Variants in SPATC1 observed in about 807,000 individuals in gnomAD.
The protein encoded by SPATC1 is speriolin.
A neutral mutation model predicts 36.5 loss-of-function variants in SPATC1; 35 were observed. The observed-to-expected ratio is 0.96, with a 90% CI of 0.73 to 1.27. SPATC1 has a LOEUF of 1.27. SPATC1 is among the 50% of genes most tolerant of loss of function. The pLI is 0.00. For missense variants in SPATC1, 779 were observed against 796.0 expected, an observed-to-expected ratio of 0.98 and a Z score of 0.26; for synonymous variants, 361 against 353.6, an observed-to-expected ratio of 1.02 and a Z score of -0.24.
chr8:144,041,207 G>A (rs2129652898), intron 3 of SPATC1, 25 bp from the exon 4 acceptor site: 1 of 1,612,528 alleles, frequency 6.2e-7, no homozygotes, highest in East Asian at 2.2e-5. Flanking sequence ...CTCTCACCTG[G>A]GCTGACGAGA....
chr8:144,012,793 G>A, intron 1 of SPATC1, 67 bp downstream of exon 1: 2 of 1,506,830 alleles, frequency 1.3e-6, no homozygotes, highest in Non-Finnish European at 1.8e-6. Context: ...GAGAGACTCA[G>A]TGTGCTGAGG....
intron 1 of SPATC1, among the ~76,000 whole-genome samples, chr8:144,037,242 G>A (rs1554754940): frequency 1.3e-5 from 2 of 148,368 alleles, no homozygotes; most frequent in African/African-American, 4.9e-5. Context: ...GGGAGGTGAG[G>A]GGCGCCTCTG....
At chr8:144,039,094 T>C (rs1176729820) in intron 1 of SPATC1, among the ~76,000 whole-genome samples, 1 of 152,232 alleles carries the variant, frequency 6.6e-6, no homozygotes, top group African/African-American at 2.4e-5. Context: ...ATAATAAGCA[T>C]GTACTGCATT....
intron 1 of SPATC1, among the ~76,000 whole-genome samples, chr8:144,039,422 G>A (rs1038512072): frequency 2.0e-5 from 3 of 152,232 alleles, no homozygotes; most frequent in South Asian, 2.1e-4. Context: ...ATTGCAGCAC[G>A]GACCCCCTGA....
At chr8:144,026,285 T>A in intron 1 of SPATC1, among the ~76,000 whole-genome samples, 1 of 152,354 alleles carries the variant, frequency 6.6e-6, no homozygotes, top group South Asian at 2.1e-4. Context: ...TTTTTTGTTT[T>A]GTTTCGCTTT....
intron 1 of SPATC1, among the ~76,000 whole-genome samples, chr8:144,036,918 A>G: frequency 6.6e-6 from 1 of 152,002 alleles, no homozygotes; most frequent in South Asian, 2.1e-4. Flanking sequence ...CAGCTACAAT[A>G]GCACCATTTG....
rs1027911447 is a variant in SPATC1, at chr8:144,034,932, T to C, written c.212-4977T>C. 3.9e-5 allele frequency among the ~76,000 whole-genome samples: 6 copies of C among 152,232 alleles called. No homozygotes were observed. In the South Asian group the frequency reaches 1.2e-3, roughly 32 times the overall value. On this transcript the variant is annotated intron_variant, in intron 1 of 4. Transcript: ENST00000377470. ...CACTGCGCCTGGCAACTCTCAGCTT[T>C]TAATCCACATTCCTACACTTGATGT...
Position 144,019,878 on chromosome 8 carries a change from C to T in SPATC1, c.211+7152C>T, listed in dbSNP as rs1469499394. ...CCACACACCTACCTGAGGATCCTCT[C>T]CCCTCAGGGCCGCCTCGTCCTGCTC... On this transcript the variant is annotated intron_variant, in intron 1 of 4. Coordinates refer to ENST00000377470, the MANE Select transcript of SPATC1 (RefSeq NM_198572.3). Among the ~76,000 whole-genome samples the T allele has an allele frequency of 5.3e-5, 8 of 152,110 alleles. No individual in the cohort carries two copies. The East Asian group carries it at 1.4e-3, about 26-fold the overall frequency.
rs782157109 is a variant in SPATC1 at position 144,041,017 on chromosome 8, C to T, written c.1216C>T (p.Arg406Cys). 34 of 1,612,332 alleles carry T rather than the reference C, an allele frequency of 2.1e-5. No individual in the cohort carries two copies. Among genetic ancestry groups the T allele is most frequent in the East Asian group, 4.5e-5 (2 of 44,890 alleles). Residue 406 changes from arginine (R) to cysteine (C), a missense_variant, in exon 3 of 5, where the codon CGC becomes TGC. Transcript: ENST00000377470. ...PASVNDSRGP[R>C]TTEPSTKSMM... ...TTCAGTCAATGACTCTCGAGGTCCA[C>T]GCACCACAGAACCGTCGACGAAGAG...
At position 144,041,371 on chromosome 8, in the gene SPATC1, G is replaced by C. The variant is rs782442963; in HGVS notation, c.1446G>C (p.Gln482His). 6.2e-7 allele frequency: 1 copy of C among 1,607,922 alleles called. No individual in the cohort carries two copies. Among genetic ancestry groups the C allele is most frequent in the Non-Finnish European group, 8.5e-7 (1 of 1,179,838 alleles). Residue 482 changes from glutamine (Q) to histidine (H), a missense_variant and splice_region_variant, in exon 4 of 5, where the codon CAG becomes CAC. Coordinates refer to ENST00000377470, the MANE Select transcript of SPATC1 (RefSeq NM_198572.3). ...TVSNIPEKII[Q>H]ASLNPSDHKL... ...CCAACATCCCAGAGAAGATCATCCA[G>C]GTGTGCGGCCAGGGGTCCTGCAGGG...
rs1169490378 is a variant in SPATC1, at chr8:144,016,649, CA to C, written c.211+3924del. ...TTTTTTTGTTTGTTTGTTTTTGAGACAGAGTGTCGAAGTTTCACTCTTGTTG... is the reference window on the plus strand; with the variant it reads ...TTTTTTTGTTTGTTTGTTTTTGAGACGAGTGTCGAAGTTTCACTCTTGTTG... On this transcript the variant is annotated intron_variant, in intron 1 of 4. Transcript: ENST00000377470. The surrounding 1 kb of genome is among the most constrained non-coding windows in gnomAD (Gnocchi z 4.5). 7.2e-5 allele frequency among the ~76,000 whole-genome samples: 11 copies of C among 152,166 alleles called. No individual in the cohort carries two copies. In the South Asian group the frequency reaches 2.1e-3, roughly 29 times the overall value.
rs1323855537 is a variant in SPATC1 at position 144,016,072 on chromosome 8, A to G, written c.211+3346A>G. On this transcript the variant is annotated intron_variant, in intron 1 of 4. Coordinates refer to ENST00000377470, the MANE Select transcript of SPATC1 (RefSeq NM_198572.3). The surrounding 1 kb of genome is among the most constrained non-coding windows in gnomAD (Gnocchi z 4.5). ...CTTTTGAGACTCTGTCTCAAAAAAA[A>G]AAAAAAGAAAAAAGAAAGAAAGAAA... Among the ~76,000 whole-genome samples, 4 of 150,266 alleles carry G rather than the reference A, an allele frequency of 2.7e-5. No individual in the cohort carries two copies. The highest frequency in any genetic ancestry group is 5.9e-5 in the Non-Finnish European group (4 of 67,622).
intron 1 of SPATC1, among the ~76,000 whole-genome samples, chr8:144,024,811 GAGGACCCTCTTCCCTC>G (rs1834640821): frequency 2.1e-4 from 7 of 33,756 alleles, no homozygotes; most frequent in South Asian, 2.0e-3. Context: ...CCTCTTCCCT[GAGGACCCTCTTCCCTC>G]AGGACCCTCT....
At chr8:144,044,192 C>G (rs577244800) in intron 4 of SPATC1, among the ~76,000 whole-genome samples, 1 of 152,240 alleles carries the variant, frequency 6.6e-6, no homozygotes, top group East Asian at 1.9e-4. Context: ...GATGCATGCT[C>G]TGGGAACAGG....
chr8:144,018,896 A>AG (rs1834446329), intron 1 of SPATC1, among the ~76,000 whole-genome samples: 1 of 148,584 alleles, frequency 6.7e-6, no homozygotes, highest in Admixed American at 6.7e-5. Flanking sequence ...AAAAAAAAAA[A>AG]GCAGGCATGG....
chr8:144,018,739 T>G (rs1834441307), intron 1 of SPATC1, among the ~76,000 whole-genome samples: 1 of 150,012 alleles, frequency 6.7e-6, no homozygotes. Context: ...TGAAATAGAG[T>G]AAAAATGGGG....
intron 1 of SPATC1, among the ~76,000 whole-genome samples, chr8:144,019,041 CAA>C (rs1212175839): frequency 5.0e-3 from 279 of 56,344 alleles, no homozygotes; most frequent in Middle Eastern, 0.019. Context: ...GACTCCGTCT[CAA>C]AAAAAAAAAA....
chr8:144,022,998 C>CTT (rs1834572011), intron 1 of SPATC1, among the ~76,000 whole-genome samples: 1 of 144,236 alleles, frequency 6.9e-6, no homozygotes, highest in Non-Finnish European at 1.5e-5. Context: ...TCCCTGAAAA[C>CTT]CCTCTTCCCT....
Position 144,012,640 on chromosome 8 carries a change from A to G in SPATC1, c.125A>G (p.Lys42Arg). 1 of 1,551,764 alleles carries G rather than the reference A, an allele frequency of 6.4e-7. No individual in the cohort carries two copies. The highest frequency in any genetic ancestry group is 8.7e-7 in the Non-Finnish European group (1 of 1,147,006). Residue 42 changes from lysine (K) to arginine (R), a missense_variant, in exon 1 of 5, where the codon AAG (lysine) becomes AGG (arginine). Physicochemically the swap from Lys to Arg is conservative, Grantham distance 26 (BLOSUM62 2). Transcript: ENST00000377470. ...AATCACGAGCTCAAGTCAGCGATCA[A>G]GACTCAGGCAGGCGGGCTCGGCATC... is the stretch of plus-strand genomic sequence containing the variant. The part of the protein sequence containing the change: ...RENHELKSAI[K>R]TQAGGLGISG...
Sources: allele counts gnomAD v4.1 joint callset (sites outside exome capture counted in the v4.1 genomes callset), GRCh38; gene constraint gnomAD v4.1.1; non-coding constraint Gnocchi (gnomAD v3.1); transcripts MANE v1.5; gene names NCBI Gene and HGNC (gene_info 2026-07-23, HGNC 2026-07-21).